The following TRRAP variants were observed in gnomAD, a reference collection of about 807,000 sequenced individuals.
The protein encoded by TRRAP is transformation/transcription domain-associated protein.
TRRAP carries 41 observed loss-of-function variants against 438.8 expected under a neutral mutation model. The ratio of observed to expected loss-of-function variants is 0.09; its 90% CI spans 0.07 to 0.12. The LOEUF is 0.12. Ranked by LOEUF, TRRAP falls within the 10% of genes least tolerant of loss-of-function variation. The pLI is 1.00. For missense variants in TRRAP, 3,122 were observed against 5,055.1 expected, an observed-to-expected ratio of 0.62 and a Z score of 11.60; for synonymous variants, 1,994 against 1,962.9, an observed-to-expected ratio of 1.02 and a Z score of -0.42.
At chr7:98,999,678 T>TACAGTCATGA in intron 67 of TRRAP, 1 of 912,826 alleles carries the variant, frequency 1.1e-6, no homozygotes, top group South Asian at 1.4e-5. Flanking sequence ...GGAAGGAGGA[T>TACAGTCATGA]GGATAATCTG....
intron 2 of TRRAP, 94 bp from the exon 3 acceptor site, chr7:98,881,881 A>T (rs1795454839): frequency 7.2e-7 from 1 of 1,380,812 alleles, no homozygotes; most frequent in Admixed American, 2.0e-5. Context: ...ATAAGATCTG[A>T]TTGCTTCTCT....
At chr7:98,929,276 A>G (rs1452591071) in intron 23 of TRRAP, among the ~76,000 whole-genome samples, 2 of 152,016 alleles carry the variant, frequency 1.3e-5, no homozygotes, top group South Asian at 2.1e-4. Context: ...TTTTATGGAG[A>G]TGCATCTCAT....
At position 98,984,335 on chromosome 7, in the gene TRRAP, A is replaced by G; in HGVS notation, c.9265A>G (p.Met3089Val). 3 of 1,592,100 alleles carry G rather than the reference A, an allele frequency of 1.9e-6. No homozygotes were observed. Among genetic ancestry groups the G allele is most frequent in the Non-Finnish European group, 1.7e-6 (2 of 1,167,764 alleles). Residue 3089 changes from methionine (M) to valine (V), a missense_variant, in exon 61 of 73, where the codon ATG becomes GTG. Transcript: ENST00000456197. ...VKCYLQLAGV[M>V]GKNECMQGLE... ...ATGCTACCTCCAGCTGGCAGGCGTCATGGGCAAAAACGAGTGCATGCAGGT... is the reference window on the plus strand; with the variant it reads ...ATGCTACCTCCAGCTGGCAGGCGTCGTGGGCAAAAACGAGTGCATGCAGGT...
intron 3 of TRRAP, among the ~76,000 whole-genome samples, chr7:98,885,682 A>G (rs1554403848): frequency 6.6e-6 from 1 of 152,030 alleles, no homozygotes; most frequent in East Asian, 1.9e-4. Flanking sequence ...ATATATATAT[A>G]TATGAAGAGG....
Position 99,011,442 on chromosome 7 carries a change from C to T in TRRAP, c.11244C>T (p.Asn3748=), listed in dbSNP as rs755357813. 1 of 1,614,288 alleles carries T rather than the reference C, an allele frequency of 6.2e-7. No homozygotes were observed. The highest frequency in any genetic ancestry group is 8.5e-7 in the Non-Finnish European group (1 of 1,180,050). Residue 3748 remains asparagine (N), a synonymous_variant, in exon 72 of 73, where the codon AAC becomes AAT. Coordinates refer to ENST00000456197, the MANE Select transcript of TRRAP (RefSeq NM_001375524.1). This position sits in a 1 kb window ranked among gnomAD's most constrained non-coding sequence, Gnocchi z 7.1. ...CTGTCCCATTTCGACTCACGCCCAACATTTCTGAGTTTCTGACCACCATCG... is the reference window on the plus strand; with the variant it reads ...CTGTCCCATTTCGACTCACGCCCAATATTTCTGAGTTTCTGACCACCATCG... ...NRPVPFRLTP[N]ISEFLTTIGV... is the part of the protein sequence containing the mutation.
rs1205542751 is a variant in TRRAP at position 98,935,480 on chromosome 7, T to G, written c.4015-99T>G. 11 of 960,906 alleles carry G rather than the reference T, an allele frequency of 1.1e-5. No homozygotes were observed. In the East Asian group the frequency reaches 2.9e-4, roughly 25 times the overall value. 59.5% of individuals were successfully genotyped at this position (960,906 alleles called of 1,614,324 possible). On this transcript the variant is annotated intron_variant, in intron 27 of 72. Coordinates refer to ENST00000456197, the MANE Select transcript of TRRAP (RefSeq NM_001375524.1). ...AGCTTAGTTTGTCAGTTGTTAATTG[T>G]GTTGCAGTGTGTGGAAGATTGCTGT...
rs77596030 is a variant in TRRAP at position 99,005,683 on chromosome 7, CT to C, written c.10753+346del. Among the ~76,000 whole-genome samples, 48 of 146,160 alleles carry C rather than the reference CT, an allele frequency of 3.3e-4. No homozygotes were observed. The highest frequency in any genetic ancestry group is 5.9e-4 in the East Asian group (3 of 5,090). ...TTAGGACATTATGAGATTTCTTTTTCTTTTTTTTTTTCTTTTTTAGCTCATC... is the reference window on the plus strand; with the variant it reads ...TTAGGACATTATGAGATTTCTTTTTCTTTTTTTTTTCTTTTTTAGCTCATC... On this transcript the variant is annotated intron_variant, in intron 69 of 72. Transcript: ENST00000456197. The surrounding 1 kb of genome is among the most constrained non-coding windows in gnomAD (Gnocchi z 5.1).
At chr7:98,969,380 T>C (rs546321628) in intron 51 of TRRAP, among the ~76,000 whole-genome samples, 27 of 152,338 alleles carry the variant, frequency 1.8e-4, no homozygotes, top group African/African-American at 6.3e-4. Flanking sequence ...CTCAGGCTAA[T>C]GTGCAGCTCC....
Position 98,925,247 on chromosome 7 carries a change from C to T in TRRAP, c.2959C>T (p.Leu987Phe), listed in dbSNP as rs1789994222. Residue 987 changes from leucine to phenylalanine, a missense_variant, in exon 22 of 73, where the codon CTC (leucine) becomes TTC (phenylalanine). This residue lies in a region of TRRAP where 133 missense variants were observed against 188.6 expected (regional missense o/e 0.71). Transcript: ENST00000456197. ...LEDNKHALYQLLAHPNFTEKT... is the reference protein window; with the variant it reads ...LEDNKHALYQFLAHPNFTEKT... ...GGACAACAAGCACGCACTCTACCAG[C>T]TCCTGGCACACCCCAAGTATGTCGG... 1.2e-6 allele frequency: 2 copies of T among 1,613,878 alleles called. No homozygotes were observed. Among genetic ancestry groups the T allele is most frequent in the African/African-American group, 1.3e-5 (1 of 74,900 alleles).
At chr7:98,983,902 A>G (rs1358258634) in intron 60 of TRRAP, among the ~76,000 whole-genome samples, 191 bp from the exon 61 acceptor site, 1 of 152,134 alleles carries the variant, frequency 6.6e-6, no homozygotes, top group Non-Finnish European at 1.5e-5. Flanking sequence ...AGATGGTAAC[A>G]CTCCACTCAA....
intron 40 of TRRAP, among the ~76,000 whole-genome samples, chr7:98,954,345 G>A (rs981280526): frequency 4.3e-4 from 65 of 152,352 alleles, no homozygotes; most frequent in African/African-American, 1.5e-3. Flanking sequence ...TCGAGCATGC[G>A]GCATTATTTA....
At chr7:99,008,632 CAG>C (rs747192472) in intron 70 of TRRAP, 71 bp downstream of exon 70, 82 of 1,544,422 alleles carry the variant, frequency 5.3e-5, no homozygotes, top group African/African-American at 2.2e-4. Context: ...TGCCTGGAGA[CAG>C]GGGTGTTTAG....
Position 98,983,272 on chromosome 7 carries a change from G to A in TRRAP, c.8835G>A (p.Gln2945=). Residue 2945 remains glutamine (Q), a synonymous_variant, in exon 60 of 73, where the codon CAG becomes CAA. Coordinates refer to ENST00000456197, the MANE Select transcript of TRRAP (RefSeq NM_001375524.1). ...HVHTPLLQAA[Q]QIIELQEAAQ... is the part of the protein sequence containing the mutation. ...TATGCTGGTCCCATCAGGCAGCCCAGCAAATCATCGAACTCCAGGAAGCTG... is the reference window on the plus strand; with the variant it reads ...TATGCTGGTCCCATCAGGCAGCCCAACAAATCATCGAACTCCAGGAAGCTG... The A allele has an allele frequency of 6.2e-7, 1 of 1,612,258 alleles. No homozygotes were observed. Among genetic ancestry groups the A allele is most frequent in the Non-Finnish European group, 8.5e-7 (1 of 1,178,808 alleles).
chr7:98,981,711 CT>C, intron 58 of TRRAP, 57 bp from the exon 59 acceptor site: 1 of 1,525,708 alleles, frequency 6.6e-7, no homozygotes, highest in East Asian at 2.5e-5. Context: ...CTGTTTGACA[CT>C]TTACACTGAG....
chr7:98,899,889 T>C, intron 10 of TRRAP, 122 bp downstream of exon 10: 1 of 1,011,868 alleles, frequency 9.9e-7, no homozygotes, highest in Admixed American at 2.2e-5. Flanking sequence ...TTATATGCAC[T>C]GTTGACTTTC....
chr7:98,912,931 G>A lies in TRRAP; in HGVS notation c.2199+718G>A, dbSNP rs116012806. On this transcript the variant is annotated intron_variant, in intron 18 of 72. Coordinates refer to ENST00000456197, the MANE Select transcript of TRRAP (RefSeq NM_001375524.1). ...TCTTGTGGTGGGTTTTATAGGAAGA[G>A]TAACTGTGAGGGAGACGGAAAAATG... 9.3e-3 allele frequency among the ~76,000 whole-genome samples: 1,413 copies of A among 152,292 alleles called. 17 individuals carry two copies. The highest frequency in any genetic ancestry group is 0.024 in the Middle Eastern group (7 of 294).
rs375105443 is a variant in TRRAP, at chr7:98,958,026, G to A, written c.6277G>A (p.Ala2093Thr). ...QSLPGADSLL[A>T]KPIDKQHTDT... ...GCTACCTGGAGCAGACTCTCTCCTC[G>A]CCAAGCCCATTGACAAGCAGCACAC... Residue 2093 changes from alanine to threonine, a missense_variant, in exon 44 of 73, where the codon GCC becomes ACC. Physicochemically the swap from Ala to Thr is moderately conservative, Grantham distance 58 (BLOSUM62 0). Around this residue, in one of 24 missense-constraint regions of TRRAP, gnomAD observed 992 missense variants for 1,281.2 expected, o/e 0.77. Coordinates refer to ENST00000456197, the MANE Select transcript of TRRAP (RefSeq NM_001375524.1). 8.1e-6 allele frequency: 13 copies of A among 1,614,118 alleles called. No homozygotes were observed. Among genetic ancestry groups the A allele is most frequent in the East Asian group, 4.5e-5 (2 of 44,866 alleles).
chr7:98,930,185 C>T lies in TRRAP; in HGVS notation c.3372C>T (p.Ile1124=). Residue 1124 remains isoleucine, a synonymous_variant, in exon 24 of 73, where the codon ATC becomes ATT. Transcript: ENST00000456197. ...CTGTGATATTTGATGTTGCAAGTAT[C>T]ATCCTGGGCTCCAAGGAGAGGGTAA... ...ALAVIFDVAS[I]ILGSKERACQ... 1 of 1,614,178 alleles carries T rather than the reference C, an allele frequency of 6.2e-7. No homozygotes were observed. Among genetic ancestry groups the T allele is most frequent in the Non-Finnish European group, 8.5e-7 (1 of 1,180,038 alleles).
At chr7:98,992,402 A>G (rs1237438924) in intron 65 of TRRAP, among the ~76,000 whole-genome samples, 175 bp downstream of exon 65, 1 of 152,240 alleles carries the variant, frequency 6.6e-6, no homozygotes, top group African/African-American at 2.4e-5. Flanking sequence ...ATCTGAGTAC[A>G]GTCTCTCTTT....
Sources: gnomAD v4.1 joint callset for allele counts (sites outside exome capture counted in the v4.1 genomes callset) on GRCh38, gnomAD v4.1.1 for gene constraint, gnomAD v4.1.1 regional missense constraint, Gnocchi (gnomAD v3.1) non-coding constraint, MANE v1.5 for transcripts, NCBI Gene and HGNC (gene_info 2026-07-23, HGNC 2026-07-21) for gene names.